KDM4C: variants seen among roughly 807,000 people sequenced by gnomAD.
The protein encoded by KDM4C is lysine demethylase 4C, also known as lysine-specific demethylase 4C.
In KDM4C, 81 loss-of-function variants were observed where a neutral mutation model predicts 129.3. The observed-to-expected ratio is 0.63, with a 90% CI of 0.52 to 0.75. The LOEUF (loss-of-function observed/expected upper bound fraction) is 0.75. KDM4C is among the 30% of genes least tolerant of loss of function. KDM4C has a pLI of 0.00. For synonymous variants in KDM4C, 573 were observed against 456.1 expected (o/e 1.26, Z -3.26); for missense variants, 1,457 against 1,304.0 (o/e 1.12, Z -1.81).
intron 8 of KDM4C, among the ~76,000 whole-genome samples, chr9:6,945,203 TTC>T (rs1011915603): frequency 1.2e-4 from 18 of 152,192 alleles, no homozygotes; most frequent in African/African-American, 4.3e-4. Flanking sequence ...GAAGCTTGTT[TTC>T]TCTCTCATTT....
intron 19 of KDM4C, among the ~76,000 whole-genome samples, chr9:7,138,613 G>C (rs1841444474): frequency 6.6e-6 from 1 of 152,034 alleles, no homozygotes; most frequent in Admixed American, 6.6e-5. Flanking sequence ...CCAGGAGTTT[G>C]AGACCAGCCT....
intron 3 of KDM4C, 52 bp downstream of exon 3, chr9:6,805,826 A>G (rs763749493): frequency 6.6e-7 from 1 of 1,519,292 alleles, no homozygotes. Flanking sequence ...TTATGTAAAT[A>G]TGTTAAGAAA....
chr9:7,088,428 G>T (rs191876950), intron 17 of KDM4C, among the ~76,000 whole-genome samples: 8 of 152,112 alleles, frequency 5.3e-5, no homozygotes, highest in Admixed American at 3.3e-4. Flanking sequence ...TACTAGTATT[G>T]ACCCACAATC....
intron 17 of KDM4C, among the ~76,000 whole-genome samples, chr9:7,069,906 C>G (rs1056405794): frequency 6.6e-6 from 1 of 152,092 alleles, no homozygotes; most frequent in Admixed American, 6.5e-5. Context: ...TGAAGTGCTA[C>G]AATATTATTT....
rs1407225729 is a variant in KDM4C, at chr9:6,862,100, C to T, written c.629+12400C>T. ...AATATGTATTTCTGAGAGGACATAGCAGTCAATTGTATGATCTCTAATATA... is the reference window on the plus strand; with the variant it reads ...AATATGTATTTCTGAGAGGACATAGTAGTCAATTGTATGATCTCTAATATA... On this transcript the variant is annotated intron_variant, in intron 5 of 21. Coordinates refer to ENST00000381309, the MANE Select transcript of KDM4C (RefSeq NM_015061.6). Among the ~76,000 whole-genome samples the T allele has an allele frequency of 2.6e-5, 4 of 152,130 alleles. No individual in the cohort carries two copies. In the East Asian group the frequency reaches 5.8e-4, roughly 22 times the overall value.
chr9:6,776,846 C>A (rs1823174442), intron 1 of KDM4C, among the ~76,000 whole-genome samples: 1 of 146,308 alleles, frequency 6.8e-6, no homozygotes, highest in Non-Finnish European at 1.5e-5. Context: ...TCATGATCCA[C>A]CCGCCTCGGC....
intron 17 of KDM4C, chr9:7,076,599 G>A (rs1459840978): frequency 2.5e-5 from 36 of 1,453,412 alleles, no homozygotes; most frequent in Non-Finnish European, 3.1e-5. Flanking sequence ...TTTAGGATGG[G>A]GATACAATAG....
At chr9:6,742,681 A>ATTT (rs34282709) in intron 1 of KDM4C, among the ~76,000 whole-genome samples, 1 of 145,236 alleles carries the variant, frequency 6.9e-6, no homozygotes, top group Non-Finnish European at 1.5e-5. Context: ...GGGGTGGGGA[A>ATTT]TTTTTTTTTT....
intron 1 of KDM4C, among the ~76,000 whole-genome samples, chr9:6,760,160 A>G (rs1182053908): frequency 2.0e-5 from 3 of 151,824 alleles, no homozygotes; most frequent in Non-Finnish European, 4.4e-5. Context: ...GTCTGTCTCA[A>G]TAGATTTGGC....
At chr9:6,779,638 G>A (rs1823888653) in intron 1 of KDM4C, among the ~76,000 whole-genome samples, 1 of 152,160 alleles carries the variant, frequency 6.6e-6, no homozygotes, top group Non-Finnish European at 1.5e-5. Context: ...ACATCCCTGG[G>A]GATTGAGCTG....
chr9:6,956,340 T>C (rs1829063628), intron 8 of KDM4C, among the ~76,000 whole-genome samples: 1 of 152,170 alleles, frequency 6.6e-6, no homozygotes, highest in African/African-American at 2.4e-5. Context: ...TGCATGCTTG[T>C]ATCAAAACAC....
At chr9:6,923,187 A>G (rs1163404644) in intron 8 of KDM4C, among the ~76,000 whole-genome samples, 3 of 152,034 alleles carry the variant, frequency 2.0e-5, no homozygotes, top group Non-Finnish European at 4.4e-5. Context: ...TGGTTATACA[A>G]TAGCTCGTTT....
intron 18 of KDM4C, among the ~76,000 whole-genome samples, chr9:7,118,002 A>G (rs1167144196): frequency 1.3e-5 from 2 of 152,226 alleles, no homozygotes; most frequent in Non-Finnish European, 2.9e-5. Flanking sequence ...AGGTTTACAC[A>G]TTAACACAGT....
intron 4 of KDM4C, among the ~76,000 whole-genome samples, chr9:6,842,455 C>G (rs967799029): frequency 1.3e-5 from 2 of 151,360 alleles, no homozygotes; most frequent in Non-Finnish European, 2.9e-5. Flanking sequence ...TTGTCTCAGT[C>G]TCTTGAGTAG....
At chr9:6,816,365 C>G (rs996298325) in intron 4 of KDM4C, among the ~76,000 whole-genome samples, 1 of 152,146 alleles carries the variant, frequency 6.6e-6, no homozygotes, top group Non-Finnish European at 1.5e-5. Flanking sequence ...TTACCAGCAC[C>G]GTAGAATTCC....
intron 1 of KDM4C, among the ~76,000 whole-genome samples, chr9:6,786,616 A>C (rs1825553405): frequency 6.6e-6 from 1 of 152,214 alleles, no homozygotes; most frequent in Non-Finnish European, 1.5e-5. Context: ...TGGAAACATT[A>C]CTGGAAGAAC....
At chr9:6,817,050 T>C (rs1041438377) in intron 4 of KDM4C, among the ~76,000 whole-genome samples, 3 of 152,276 alleles carry the variant, frequency 2.0e-5, no homozygotes, top group Admixed American at 6.5e-5. Flanking sequence ...GAATGATGGC[T>C]ATGTAATTTT....
chr9:6,994,061 AG>A (rs1310892732), intron 12 of KDM4C, among the ~76,000 whole-genome samples: 1 of 152,062 alleles, frequency 6.6e-6, no homozygotes, highest in African/African-American at 2.4e-5. Flanking sequence ...TTTGGGATAA[AG>A]CTGTTCCACC....
intron 1 of KDM4C, among the ~76,000 whole-genome samples, chr9:6,746,582 A>T (rs1048883007): frequency 1.3e-5 from 2 of 148,898 alleles, no homozygotes; most frequent in Non-Finnish European, 3.0e-5. Flanking sequence ...TTTGTATTTT[A>T]AAACAGAAAA....
Sources: allele counts gnomAD v4.1 joint callset (sites outside exome capture counted in the v4.1 genomes callset), GRCh38; gene constraint gnomAD v4.1.1; transcripts MANE v1.5; gene names NCBI Gene and HGNC (gene_info 2026-07-23, HGNC 2026-07-21).